VAMP7: variants seen among roughly 807,000 people sequenced by gnomAD.
VAMP7 encodes the protein vesicle-associated membrane protein 7.
A neutral mutation model predicts 29.6 loss-of-function variants in VAMP7; 14 were observed. That is an observed-to-expected ratio of 0.47 (90% confidence interval 0.31 to 0.74). The LOEUF (loss-of-function observed/expected upper bound fraction) is 0.74. VAMP7 is among the 30% of genes least tolerant of loss of function. The pLI is 0.05. For missense variants in VAMP7, 223 were observed against 262.4 expected (o/e 0.85, Z 1.04); for synonymous variants, 95 against 88.1 (o/e 1.08, Z -0.44).
At chrX:155,888,222 A>G in intron 1 of VAMP7, among the ~76,000 whole-genome samples, 1 of 152,142 alleles carries the variant, frequency 6.6e-6, no homozygotes, top group East Asian at 1.9e-4. Flanking sequence ...TGCAATAAGG[A>G]ATCTGCACAT....
chrX:155,931,966 T>A (rs1436022830), intron 6 of VAMP7, among the ~76,000 whole-genome samples: 1 of 152,188 alleles, frequency 6.6e-6, no homozygotes, highest in Non-Finnish European at 1.5e-5. Context: ...AAATAGGGAA[T>A]CCTTTCCCCA....
chrX:155,929,045 A>G (rs775233913), intron 6 of VAMP7, among the ~76,000 whole-genome samples: 1 of 152,316 alleles, frequency 6.6e-6, no homozygotes, highest in East Asian at 1.9e-4. Context: ...TTTTGGTCTC[A>G]TATTTGAACA....
rs2066755988 is a variant in VAMP7 at position 155,942,203 on chromosome X, T to A, written c.*252T>A. ...AAAGGCTTTTGTTTATTTCTTTGGTTTGTTAACTAGTGTCATCTATTTAGA... is the reference window on the plus strand; with the variant it reads ...AAAGGCTTTTGTTTATTTCTTTGGTATGTTAACTAGTGTCATCTATTTAGA... On this transcript the variant is annotated 3_prime_UTR_variant, in exon 8 of 8. Coordinates refer to ENST00000286448, the MANE Select transcript of VAMP7 (RefSeq NM_005638.6). The A allele has an allele frequency of 4.6e-6, 7 of 1,522,202 alleles. No homozygotes were observed. Among genetic ancestry groups the A allele is most frequent in the African/African-American group, 1.4e-5 (1 of 71,492 alleles). The allele number at this position is 1,522,202 out of a possible 1,614,324, so 94.3% of individuals were successfully genotyped here. A position where few individuals can be genotyped will look rare whatever the true frequency, so the allele number is the denominator to read the frequency against.
chrX:155,926,237 G>A (rs1417138062), intron 6 of VAMP7, among the ~76,000 whole-genome samples: 2 of 152,140 alleles, frequency 1.3e-5, no homozygotes, highest in African/African-American at 4.8e-5. Context: ...TTCTCTCTAT[G>A]AAAGTCCTAG....
intron 6 of VAMP7, among the ~76,000 whole-genome samples, chrX:155,930,240 T>C (rs1462015668): frequency 6.6e-6 from 1 of 152,186 alleles, no homozygotes; most frequent in Non-Finnish European, 1.5e-5. Context: ...CCAGCTCCAC[T>C]TGGTGTGATC....
intron 6 of VAMP7, among the ~76,000 whole-genome samples, chrX:155,927,313 A>G (rs771204198): frequency 6.6e-6 from 1 of 151,764 alleles, no homozygotes; most frequent in East Asian, 1.9e-4. Context: ...TCACGTGTAT[A>G]CCTGTGTAAG....
intron 1 of VAMP7, among the ~76,000 whole-genome samples, chrX:155,883,804 A>T (rs1325124440): frequency 6.9e-6 from 1 of 144,284 alleles, no homozygotes. Context: ...TCCGCCTCCC[A>T]GGTTCAAGCA....
intron 6 of VAMP7, among the ~76,000 whole-genome samples, chrX:155,931,005 C>A (rs1454674926): frequency 6.6e-6 from 1 of 152,102 alleles, no homozygotes; most frequent in African/African-American, 2.4e-5. Flanking sequence ...ATGATGGTTT[C>A]CAGCTTCATC....
chrX:155,942,043 G>A lies in VAMP7; in HGVS notation c.*92G>A. The A allele has an allele frequency of 1.2e-6, 2 of 1,608,126 alleles. No homozygotes were observed. Among genetic ancestry groups the A allele is most frequent in the South Asian group, 1.1e-5 (1 of 90,328 alleles). On this transcript the variant is annotated 3_prime_UTR_variant, in exon 8 of 8. Coordinates refer to ENST00000286448, the MANE Select transcript of VAMP7 (RefSeq NM_005638.6). ...CAAGCCTTTCACATACTGACAGATGGTATCTGCCAGTCTCTTCAACCCTCT... is the reference window on the plus strand; with the variant it reads ...CAAGCCTTTCACATACTGACAGATGATATCTGCCAGTCTCTTCAACCCTCT...
intron 6 of VAMP7, among the ~76,000 whole-genome samples, chrX:155,926,076 G>A (rs867473424): frequency 1.3e-5 from 2 of 152,108 alleles, no homozygotes; most frequent in Non-Finnish European, 2.9e-5. Context: ...TCCATTTCAA[G>A]AGCACAGGCA....
intron 6 of VAMP7, among the ~76,000 whole-genome samples, chrX:155,922,330 T>A (rs2066408032): frequency 3.3e-5 from 5 of 152,026 alleles, no homozygotes; most frequent in Admixed American, 6.5e-5. Flanking sequence ...TCAATACTTT[T>A]TGAAAAAAAT....
chrX:155,905,670 C>T (rs2066137156), intron 5 of VAMP7, among the ~76,000 whole-genome samples: 1 of 152,086 alleles, frequency 6.6e-6, no homozygotes, highest in Non-Finnish European at 1.5e-5. Context: ...TTTTCTTTCC[C>T]TGTTGAATGA....
intron 5 of VAMP7, among the ~76,000 whole-genome samples, chrX:155,912,706 C>T (rs1295192324): frequency 6.6e-6 from 1 of 152,134 alleles, no homozygotes; most frequent in African/African-American, 2.4e-5. Context: ...TTTTTTATGG[C>T]TGCATAGTAT....
intron 5 of VAMP7, among the ~76,000 whole-genome samples, 177 bp from the exon 6 acceptor site, chrX:155,919,636 C>T (rs1429884957): frequency 6.6e-6 from 1 of 152,094 alleles, no homozygotes; most frequent in African/African-American, 2.4e-5. Context: ...TTTTGATGGG[C>T]ATGGGGATTT....
intron 6 of VAMP7, among the ~76,000 whole-genome samples, chrX:155,934,540 T>A (rs1281967089): frequency 6.6e-6 from 1 of 152,198 alleles, no homozygotes; most frequent in Middle Eastern, 3.2e-3. Context: ...TTTTTTTGTT[T>A]TCCATTTGCT....
intron 5 of VAMP7, among the ~76,000 whole-genome samples, chrX:155,906,660 T>G (rs1367323759): frequency 1.3e-5 from 2 of 152,234 alleles, no homozygotes; most frequent in African/African-American, 4.8e-5. Context: ...TATAAATTGG[T>G]GTTGTATCAT....
chrX:155,904,376 A>AAAAC (rs61095155), intron 5 of VAMP7, among the ~76,000 whole-genome samples: 97,071 of 151,268 alleles, frequency 0.64, 31,531 homozygotes, highest in African/African-American at 0.75. Context: ...AAAATAAAAA[A>AAAAC]AGCAAATTTA....
intron 5 of VAMP7, among the ~76,000 whole-genome samples, chrX:155,911,906 G>C (rs1339245214): frequency 6.6e-6 from 1 of 152,060 alleles, no homozygotes; most frequent in Non-Finnish European, 1.5e-5. Context: ...TCTGCAAAGA[G>C]GGATAATTTG....
chrX:155,921,304 C>G (rs1157928667), intron 6 of VAMP7, among the ~76,000 whole-genome samples: 1 of 92,152 alleles, frequency 1.1e-5, no homozygotes, highest in Non-Finnish European at 2.3e-5. Flanking sequence ...GTGTATAGCT[C>G]AATTATTTTT....
Sources: allele counts gnomAD v4.1 joint callset (sites outside exome capture counted in the v4.1 genomes callset), GRCh38; gene constraint gnomAD v4.1.1; transcripts MANE v1.5; gene names NCBI Gene and HGNC (gene_info 2026-07-23, HGNC 2026-07-21).